MATN2: variants seen among roughly 807,000 people sequenced by gnomAD.
MATN2 encodes matrilin 2.
In MATN2, 69 loss-of-function variants were observed where a neutral mutation model predicts 103.2. The observed-to-expected ratio is 0.67, with a 90% confidence interval of 0.55 to 0.82. The LOEUF is 0.82. MATN2 is among the 40% of genes least tolerant of loss of function. MATN2 has a pLI of 0.00. For synonymous variants in MATN2, 429 were observed against 450.2 expected (o/e 0.95, Z 0.60); for missense variants, 1,023 against 1,211.5 (o/e 0.84, Z 2.31).
chr8:97,900,721 G>T (rs936699403), intron 2 of MATN2, among the ~76,000 whole-genome samples: 6 of 152,190 alleles, frequency 3.9e-5, no homozygotes, highest in African/African-American at 1.4e-4. Flanking sequence ...GGATCACGAG[G>T]TCAGGAGATT....
chr8:97,927,921 C>T (rs1024032243), intron 2 of MATN2, among the ~76,000 whole-genome samples: 4 of 152,204 alleles, frequency 2.6e-5, no homozygotes, highest in African/African-American at 9.6e-5. Flanking sequence ...GAGTGCGAGT[C>T]TTGTGTGAAT....
intron 4 of MATN2, among the ~76,000 whole-genome samples, chr8:97,944,448 T>C (rs1810680163): frequency 6.6e-6 from 1 of 152,204 alleles, no homozygotes; most frequent in African/African-American, 2.4e-5. Context: ...CAGAAGGGGA[T>C]AATACTAATA....
At chr8:98,025,042 C>T (rs557237281) in intron 13 of MATN2, 2 of 152,342 alleles carry the variant, frequency 1.3e-5, no homozygotes, top group Admixed American at 1.3e-4. Context: ...GAGGAGAAAA[C>T]AGACTCACTG....
intron 2 of MATN2, among the ~76,000 whole-genome samples, chr8:97,907,312 CTTTTT>C: frequency 8.5e-6 from 1 of 117,746 alleles, no homozygotes. Context: ...TCATAGCTCA[CTTTTT>C]TTTTTTTTTT....
intron 4 of MATN2, among the ~76,000 whole-genome samples, chr8:97,949,149 C>T (rs1268813991): frequency 6.7e-6 from 1 of 150,246 alleles, no homozygotes; most frequent in Non-Finnish European, 1.5e-5. Flanking sequence ...CAGGAGATAT[C>T]ACTATACCTC....
chr8:97,966,020 T>C (rs1392927654), intron 5 of MATN2, among the ~76,000 whole-genome samples: 1 of 150,910 alleles, frequency 6.6e-6, no homozygotes, highest in Non-Finnish European at 1.5e-5. Context: ...AGCATGTTGG[T>C]GCACATGCTG....
At chr8:98,019,250 G>C (rs1315630367) in intron 12 of MATN2, among the ~76,000 whole-genome samples, 1 of 151,898 alleles carries the variant, frequency 6.6e-6, no homozygotes, top group Non-Finnish European at 1.5e-5. Flanking sequence ...TATATTGTGA[G>C]GGAGGAAAAG....
At chr8:97,962,226 C>T (rs1365751452) in intron 5 of MATN2, among the ~76,000 whole-genome samples, 3 of 152,218 alleles carry the variant, frequency 2.0e-5, no homozygotes, top group Non-Finnish European at 2.9e-5. Flanking sequence ...GAACTGAATA[C>T]TTATGAGGCA....
At chr8:97,999,512 T>C (rs965356420) in intron 7 of MATN2, among the ~76,000 whole-genome samples, 51 of 152,236 alleles carry the variant, frequency 3.4e-4, no homozygotes, top group African/African-American at 1.2e-3. Flanking sequence ...TGTTTGTCTG[T>C]CTGTCTGTGA....
chr8:97,934,383 C>G (rs1031588925), intron 3 of MATN2, among the ~76,000 whole-genome samples: 1 of 152,200 alleles, frequency 6.6e-6, no homozygotes, highest in Non-Finnish European at 1.5e-5. Flanking sequence ...TTATTACAAT[C>G]AAATACACTG....
chr8:98,032,619 C>G (rs775106519), intron 16 of MATN2, among the ~76,000 whole-genome samples: 26 of 152,110 alleles, frequency 1.7e-4, no homozygotes, highest in Middle Eastern at 3.2e-3. Context: ...GCAACCTCCA[C>G]CTCCTGGGCT....
chr8:97,915,642 G>T (rs975424482), intron 2 of MATN2, among the ~76,000 whole-genome samples: 1 of 152,186 alleles, frequency 6.6e-6, no homozygotes, highest in Admixed American at 6.5e-5. Flanking sequence ...CCAGCCCTGT[G>T]TTGCTATTTA....
intron 6 of MATN2, among the ~76,000 whole-genome samples, chr8:97,980,832 G>A (rs959892616): frequency 2.0e-5 from 3 of 151,956 alleles, no homozygotes; most frequent in African/African-American, 7.2e-5. Context: ...GCCTCCCAAA[G>A]TGCTGGGAAT....
chr8:97,935,971 C>T (rs1274508470), intron 3 of MATN2, among the ~76,000 whole-genome samples: 1 of 152,208 alleles, frequency 6.6e-6, no homozygotes, highest in Non-Finnish European at 1.5e-5. Flanking sequence ...TGGCTTTTTT[C>T]TCTTTGGCTG....
At chr8:97,943,412 TC>T (rs1810638945) in intron 4 of MATN2, among the ~76,000 whole-genome samples, 2 of 151,002 alleles carry the variant, frequency 1.3e-5, no homozygotes, top group Non-Finnish European at 3.0e-5. Flanking sequence ...TGTCTCCTTC[TC>T]CTTCTCCTTC....
chr8:97,918,459 G>A lies in MATN2; in HGVS notation c.143-12494G>A, dbSNP rs77367191. Among the ~76,000 whole-genome samples, 41 of 152,352 alleles carry A rather than the reference G, an allele frequency of 2.7e-4. No homozygotes were observed. The East Asian group carries it at 6.6e-3, about 24-fold the overall frequency. ...ATAGATTGATGGGACTTGCAGGCCA[G>A]TAAATACCATAAGTATTTGTGGGGC... On this transcript the variant is annotated intron_variant, in intron 2 of 18. Coordinates refer to ENST00000254898, the MANE Select transcript of MATN2 (RefSeq NM_002380.5).
chr8:98,022,306 A>G (rs1330278334), intron 13 of MATN2, among the ~76,000 whole-genome samples: 2 of 151,510 alleles, frequency 1.3e-5, no homozygotes, highest in African/African-American at 4.8e-5. Context: ...TTCTCTATAT[A>G]TGTGTGTGTG....
At position 98,004,026 on chromosome 8, in the gene MATN2, C is replaced by T. The variant is rs191567870; in HGVS notation, c.1327+243C>T. 3.1e-3 allele frequency: 1,255 copies of T among 409,394 alleles called. 2 individuals are homozygous for T. Among genetic ancestry groups the T allele is most frequent in the Admixed American group, 6.6e-3 (189 of 28,530 alleles). 25.4% of individuals were successfully genotyped at this position (409,394 alleles called of 1,614,324 possible). A position where few individuals can be genotyped will look rare whatever the true frequency, so the allele number is the denominator to read the frequency against. On this transcript the variant is annotated intron_variant, in intron 8 of 18. Coordinates refer to ENST00000254898, the MANE Select transcript of MATN2 (RefSeq NM_002380.5). ...GGAATAGGCTGGGCGCGGTGGCTCA[C>T]GCCTGTAATCCCAGCACAGGGAGGC... is the stretch of plus-strand genomic sequence containing the variant.
At chr8:98,027,314 C>G in intron 13 of MATN2, 102 bp from the exon 14 acceptor site, 3 of 1,015,248 alleles carry the variant, frequency 3.0e-6, no homozygotes, top group Non-Finnish European at 4.3e-6. Flanking sequence ...AAAACTGGTT[C>G]CCCAAAGTGG....
Sources: gnomAD v4.1 joint callset for allele counts (sites outside exome capture counted in the v4.1 genomes callset) on GRCh38, gnomAD v4.1.1 for gene constraint, MANE v1.5 for transcripts, NCBI Gene and HGNC (gene_info 2026-07-23, HGNC 2026-07-21) for gene names.